Variants in SNX4 observed in about 807,000 individuals in gnomAD.
SNX4 encodes sorting nexin 4.
In SNX4, 49 loss-of-function variants were observed where a neutral mutation model predicts 70.8. The observed-to-expected ratio is 0.69, with a 90% CI of 0.55 to 0.88. The LOEUF (loss-of-function observed/expected upper bound fraction) is 0.88. Ranked by LOEUF, SNX4 falls within the 40% of genes least tolerant of loss-of-function variation. The probability of loss-of-function intolerance (pLI) is 0.00; values close to 1 mark genes in which losing one functional copy is unlikely to be tolerated. For synonymous variants in SNX4, 206 were observed against 183.8 expected (o/e 1.12, Z -0.98); for missense variants, 528 against 544.8 (o/e 0.97, Z 0.31).
At chr3:125,512,024 C>A (rs1209880341) in intron 1 of SNX4, among the ~76,000 whole-genome samples, 4 of 151,980 alleles carry the variant, frequency 2.6e-5, no homozygotes, top group African/African-American at 9.7e-5. Context: ...AATCAGCCAA[C>A]AAAAACAAAA....
chr3:125,455,945 A>T (rs1176073813), intron 11 of SNX4, among the ~76,000 whole-genome samples: 2 of 152,096 alleles, frequency 1.3e-5, no homozygotes, highest in Non-Finnish European at 2.9e-5. Flanking sequence ...TGAACCCAGG[A>T]GGTGGAGCTT....
chr3:125,489,963 C>G (rs1327808736), intron 5 of SNX4, among the ~76,000 whole-genome samples: 2 of 152,000 alleles, frequency 1.3e-5, no homozygotes, highest in Non-Finnish European at 2.9e-5. Flanking sequence ...CCCATCTCTA[C>G]TAAAAATACA....
chr3:125,478,204 C>A (rs967077590), intron 7 of SNX4, among the ~76,000 whole-genome samples: 1 of 151,828 alleles, frequency 6.6e-6, no homozygotes, highest in Non-Finnish European at 1.5e-5. Flanking sequence ...CTCAGCCTCC[C>A]GAGTAGTGGG....
At chr3:125,490,357 C>T (rs1194658485) in intron 5 of SNX4, among the ~76,000 whole-genome samples, 1 of 151,288 alleles carries the variant, frequency 6.6e-6, no homozygotes. Flanking sequence ...GCTGTCTCTA[C>T]TAAAAATACA....
chr3:125,481,193 T>C (rs1455375486), intron 6 of SNX4, among the ~76,000 whole-genome samples: 2 of 152,200 alleles, frequency 1.3e-5, no homozygotes, highest in South Asian at 4.1e-4. Flanking sequence ...TAGGGAAATA[T>C]TCCTGACAAA....
chr3:125,495,277 T>TATATATACAC, intron 5 of SNX4, among the ~76,000 whole-genome samples: 58 of 99,600 alleles, frequency 5.8e-4, no homozygotes, highest in South Asian at 1.8e-3. Flanking sequence ...TATATATATA[T>TATATATACAC]ACACATACAC....
chr3:125,485,639 A>T (rs73191113), intron 6 of SNX4, among the ~76,000 whole-genome samples: 1 of 151,920 alleles, frequency 6.6e-6, no homozygotes, highest in Admixed American at 6.6e-5. Flanking sequence ...AGTTTTCTCT[A>T]CCTAGCTATT....
chr3:125,519,030 T>TA (rs1559828997), intron 1 of SNX4, among the ~76,000 whole-genome samples: 1 of 151,142 alleles, frequency 6.6e-6, no homozygotes, highest in Non-Finnish European at 1.5e-5. Flanking sequence ...ATAAATAAAT[T>TA]AATTAATTAA....
At chr3:125,456,939 G>A (rs1272540755) in intron 11 of SNX4, among the ~76,000 whole-genome samples, 1 of 151,260 alleles carries the variant, frequency 6.6e-6, no homozygotes. Flanking sequence ...GGGATTACAG[G>A]TGTGAGCCAC....
chr3:125,453,489 C>T (rs116437800), intron 12 of SNX4, among the ~76,000 whole-genome samples: 21,195 of 147,522 alleles, frequency 0.14, 1,553 homozygotes, highest in South Asian at 0.19. Context: ...ATTCAACTTT[C>T]TTTTATTTTT....
At chr3:125,451,459 A>C (rs1285393741) in intron 12 of SNX4, 40 bp from the exon 13 acceptor site, 1 of 1,445,016 alleles carries the variant, frequency 6.9e-7, no homozygotes, top group Non-Finnish European at 9.7e-7. Flanking sequence ...ATTTAAGTTA[A>C]ATAAACTGTG....
chr3:125,510,439 C>T (rs1935146136), intron 1 of SNX4, among the ~76,000 whole-genome samples: 1 of 152,088 alleles, frequency 6.6e-6, no homozygotes, highest in African/African-American at 2.4e-5. Flanking sequence ...CAGTGTTAGC[C>T]AGCATGGTCT....
rs776419943 is a variant in SNX4 at position 125,453,890 on chromosome 3, C to T, written c.1110G>A (p.Gln370=). Residue 370 remains glutamine, a synonymous_variant, in exon 12 of 14, where the codon CAG becomes CAA. Transcript: ENST00000251775. ...TKLFGQETPE[Q]REARIKVLEE... is the part of the protein sequence containing the mutation. The stretch of plus-strand genomic sequence containing the variant: ...CTAGCACCTTTATTCTGGCTTCTCT[C>T]TGCTCTGGAGTTTCTTGACCAAAGA... 1.1e-5 allele frequency: 17 copies of T among 1,613,882 alleles called. No homozygotes were observed. In the Middle Eastern group the frequency reaches 6.6e-4, roughly 62 times the overall value.
At chr3:125,507,400 T>C (rs1935072814) in intron 1 of SNX4, among the ~76,000 whole-genome samples, 1 of 151,876 alleles carries the variant, frequency 6.6e-6, no homozygotes, top group South Asian at 2.1e-4. Context: ...TTAAGGGACA[T>C]GCAGGACACC....
intron 6 of SNX4, among the ~76,000 whole-genome samples, chr3:125,485,316 T>TA (rs1934498160): frequency 6.6e-6 from 1 of 152,070 alleles, no homozygotes; most frequent in Admixed American, 6.5e-5. Context: ...CTTTTTTTTT[T>TA]AGACAGAGTC....
At chr3:125,457,166 A>G in intron 11 of SNX4, 100 bp downstream of exon 11, 1 of 798,332 alleles carries the variant, frequency 1.3e-6, no homozygotes, top group Non-Finnish European at 2.2e-6. Context: ...TGTAACTGGA[A>G]CTGATTCTAC....
chr3:125,461,598 T>C (rs1423619121), intron 9 of SNX4, among the ~76,000 whole-genome samples: 1 of 152,140 alleles, frequency 6.6e-6, no homozygotes, highest in African/African-American at 2.4e-5. Flanking sequence ...TGATGCCAAA[T>C]AGCTACAAAA....
rs146643473 is a variant in SNX4, at chr3:125,453,888, C to G, written c.1112G>C (p.Arg371Thr). ...TTCTAGCACCTTTATTCTGGCTTCTCTCTGCTCTGGAGTTTCTTGACCAAA... is the reference window on the plus strand; with the variant it reads ...TTCTAGCACCTTTATTCTGGCTTCTGTCTGCTCTGGAGTTTCTTGACCAAA... ...KLFGQETPEQ[R>T]EARIKVLEEQ... The change falls in exon 12 of 14, where the codon AGA becomes ACA. Residue 371 changes from arginine (R) to threonine (T), a missense_variant. Physicochemically the swap from Arg to Thr is moderately conservative, Grantham distance 71. Transcript: ENST00000251775. 1.9e-6 allele frequency: 3 copies of G among 1,613,938 alleles called. No individual in the cohort carries two copies. In the African/African-American group the frequency reaches 4.0e-5, roughly 22 times the overall value.
At chr3:125,492,230 C>T (rs1264736259) in intron 5 of SNX4, among the ~76,000 whole-genome samples, 2 of 152,038 alleles carry the variant, frequency 1.3e-5, no homozygotes, top group East Asian at 3.9e-4. Flanking sequence ...TCTTCCCGCA[C>T]ACATTACCTA....
Sources: gnomAD v4.1 joint callset for allele counts (sites outside exome capture counted in the v4.1 genomes callset) on GRCh38, gnomAD v4.1.1 for gene constraint, MANE v1.5 for transcripts, NCBI Gene and HGNC (gene_info 2026-07-23, HGNC 2026-07-21) for gene names.